The following MYO18B variants were observed in gnomAD, a reference collection of about 807,000 sequenced individuals.
The protein encoded by MYO18B is unconventional myosin-XVIIIb.
MYO18B carries 204 observed loss-of-function variants against 273.0 expected under a neutral mutation model. The observed-to-expected ratio is 0.75, with a 90% CI of 0.67 to 0.84. MYO18B has a LOEUF of 0.84. Among genes scored for constraint, MYO18B ranks in the 40% least tolerant of loss-of-function variants. The pLI is 0.00. For synonymous variants in MYO18B, 1,330 were observed against 1,305.7 expected, an observed-to-expected ratio of 1.02 and a Z score of -0.40; for missense variants, 3,212 against 3,287.6, an observed-to-expected ratio of 0.98 and a Z score of 0.56.
intron 1 of MYO18B, among the ~76,000 whole-genome samples, chr22:25,752,248 C>T (rs897329769): frequency 2.0e-5 from 3 of 147,606 alleles, no homozygotes; most frequent in Non-Finnish European, 4.5e-5. Context: ...AGTGCAGTGG[C>T]GGGATCTCGG....
At chr22:26,015,487 C>T (rs1935251592) in intron 42 of MYO18B, among the ~76,000 whole-genome samples, 1 of 152,192 alleles carries the variant, frequency 6.6e-6, no homozygotes, top group South Asian at 2.1e-4. Flanking sequence ...AGAATGAGAT[C>T]ATGTCCTTTG....
At position 25,761,037 on chromosome 22, in the gene MYO18B, T is replaced by C; in HGVS notation, c.-56T>C. 1 of 1,597,656 alleles carries C rather than the reference T, an allele frequency of 6.3e-7. No homozygotes were observed. Among genetic ancestry groups the C allele is most frequent in the Non-Finnish European group, 8.6e-7 (1 of 1,166,576 alleles). ...GTCTGTAAAGCCTCATTCCGTGCTG[T>C]CTGGCAGGAAGCTCCATCTCATCTC... is the stretch of plus-strand genomic sequence containing the variant. On this transcript the variant is annotated 5_prime_UTR_variant, in exon 2 of 44. Transcript: ENST00000335473.
intron 40 of MYO18B, among the ~76,000 whole-genome samples, chr22:25,997,978 C>CACGAGAGAGAGAGAGA (rs34431605): frequency 6.2e-5 from 9 of 144,548 alleles, no homozygotes; most frequent in South Asian, 4.4e-4. Flanking sequence ...CACACACACA[C>CACGAGAGAGAGAGAGA]GAGAGAGAGA....
intron 1 of MYO18B, among the ~76,000 whole-genome samples, chr22:25,753,504 C>T (rs1414184672): frequency 1.3e-5 from 2 of 152,180 alleles, no homozygotes; most frequent in Non-Finnish European, 2.9e-5. Context: ...CTGCCAGCAC[C>T]AGCACTGGTA....
chr22:25,799,373 C>T (rs985188238), intron 12 of MYO18B, among the ~76,000 whole-genome samples: 1 of 152,160 alleles, frequency 6.6e-6, no homozygotes, highest in African/African-American at 2.4e-5. Flanking sequence ...AAGCTGCTCC[C>T]TTTTTTGGCA....
At chr22:26,051,225 T>A in the MYO18B span, among the ~76,000 whole-genome samples, 627 of 139,790 alleles carry the variant, frequency 4.5e-3, 5 homozygotes, top group African/African-American at 0.016. Flanking sequence ...CCTTTTTTTT[T>A]TTTTTTTTTT....
chr22:25,908,379 C>G lies in MYO18B; in HGVS notation c.5206C>G (p.Arg1736Gly), dbSNP rs773577709. The change falls in exon 32 of 44, where the codon CGT becomes GGT. Residue 1736 changes from arginine to glycine, a missense_variant. Arg to Gly is a moderately radical substitution (Grantham distance 125). Transcript: ENST00000335473. ...ERMKQMHQKD[R>G]EDQEEELEDV... ...GATGAAGCAGATGCACCAGAAGGAC[C>G]GTGAGGACCAGGAGGAGGAACTGGA... 1 of 1,603,362 alleles carries G rather than the reference C, an allele frequency of 6.2e-7. No homozygotes were observed. The highest frequency in any genetic ancestry group is 8.5e-7 in the Non-Finnish European group (1 of 1,175,280).
chr22:25,895,615 G>A (rs2091780091), intron 28 of MYO18B: 1 of 188,850 alleles, frequency 5.3e-6, no homozygotes, highest in African/African-American at 2.3e-5. Context: ...ATAATTATCA[G>A]CGGTCTCAAA....
At chr22:26,021,810 G>A (rs1935842075) in intron 42 of MYO18B, among the ~76,000 whole-genome samples, 1 of 152,154 alleles carries the variant, frequency 6.6e-6, no homozygotes, top group Non-Finnish European at 1.5e-5. Flanking sequence ...TCTCAGGGTG[G>A]CTATGAGGGT....
rs73407590 is a variant in MYO18B, at chr22:25,933,779, G to C, written c.5518-12358G>C. On this transcript the variant is annotated intron_variant, in intron 34 of 43. Coordinates refer to ENST00000335473, the MANE Select transcript of MYO18B (RefSeq NM_032608.7). The stretch of plus-strand genomic sequence containing the variant: ...TAGGTTTTGGTTATGAATAGAGCCA[G>C]TATGAACATTTTTTTGCACATTATT... 4.9e-3 allele frequency among the ~76,000 whole-genome samples: 745 copies of C among 152,304 alleles called. 3 individuals are homozygous for C. The highest frequency in any genetic ancestry group is 0.017 in the African/African-American group (695 of 41,558).
chr22:25,986,187 A>G (rs1323603504), intron 39 of MYO18B, among the ~76,000 whole-genome samples: 6 of 152,230 alleles, frequency 3.9e-5, no homozygotes, highest in African/African-American at 1.4e-4. Context: ...TAGGCAAATG[A>G]GTTAACCTCT....
intron 34 of MYO18B, among the ~76,000 whole-genome samples, chr22:25,934,903 G>A (rs2146523796): frequency 6.6e-6 from 1 of 151,006 alleles, no homozygotes; most frequent in South Asian, 2.1e-4. Context: ...CACTACTCGT[G>A]GTTCCGTCCC....
At chr22:25,797,258 C>T (rs115082199) in intron 11 of MYO18B, among the ~76,000 whole-genome samples, 3,150 of 152,188 alleles carry the variant, frequency 0.021, 97 homozygotes, top group East Asian at 0.13. Context: ...TAACTGCTTC[C>T]GTCGACCACC....
At chr22:25,957,669 A>G (rs1297633210) in intron 39 of MYO18B, among the ~76,000 whole-genome samples, 1 of 152,160 alleles carries the variant, frequency 6.6e-6, no homozygotes, top group Non-Finnish European at 1.5e-5. Context: ...CTCCCTCTGA[A>G]GGCTCTGGAA....
At chr22:25,850,133 A>G (rs987606377) in intron 20 of MYO18B, among the ~76,000 whole-genome samples, 1 of 152,168 alleles carries the variant, frequency 6.6e-6, no homozygotes, top group African/African-American at 2.4e-5. Flanking sequence ...GAAGTCTTCC[A>G]GGATTAGCCA....
chr22:25,852,308 T>A (rs1260499720), intron 21 of MYO18B, among the ~76,000 whole-genome samples: 2 of 152,232 alleles, frequency 1.3e-5, no homozygotes, highest in Non-Finnish European at 2.9e-5. Context: ...CTTGTTTTGA[T>A]GTTTATGTAG....
At chr22:25,865,459 C>G (rs1434719731) in intron 21 of MYO18B, among the ~76,000 whole-genome samples, 4 of 152,208 alleles carry the variant, frequency 2.6e-5, no homozygotes, top group Admixed American at 2.6e-4. Flanking sequence ...GGCCTTCATT[C>G]ATGTTTTGCA....
intron 42 of MYO18B, among the ~76,000 whole-genome samples, chr22:26,015,493 C>G (rs954597782): frequency 6.6e-6 from 1 of 152,172 alleles, no homozygotes; most frequent in Non-Finnish European, 1.5e-5. Flanking sequence ...AGATCATGTC[C>G]TTTGCAGGGA....
At chr22:25,801,845 T>G (rs1422300161) in intron 12 of MYO18B, among the ~76,000 whole-genome samples, 2 of 152,202 alleles carry the variant, frequency 1.3e-5, no homozygotes, top group Non-Finnish European at 2.9e-5. Context: ...TCACGCATAT[T>G]CCTCAGGACA....
Sources: gnomAD v4.1 joint callset for allele counts (sites outside exome capture counted in the v4.1 genomes callset) on GRCh38, gnomAD v4.1.1 for gene constraint, MANE v1.5 for transcripts, NCBI Gene and HGNC (gene_info 2026-07-23, HGNC 2026-07-21) for gene names.